Variants in MYT1L observed in about 807,000 individuals in gnomAD.
MYT1L encodes the protein myelin transcription factor 1 like.
Under a neutral mutation model 126.7 loss-of-function variants are expected in MYT1L, and 12 were observed. That is an observed-to-expected ratio of 0.09 (90% CI 0.06 to 0.15). The LOEUF (loss-of-function observed/expected upper bound fraction) is 0.15. Ranked by LOEUF, MYT1L falls within the 10% of genes least tolerant of loss-of-function variation. The pLI is 1.00. For synonymous variants in MYT1L, 541 were observed against 604.2 expected (o/e 0.90, Z 1.53); for missense variants, 979 against 1,585.2 (o/e 0.62, Z 6.49).
At position 1,944,094 on chromosome 2, in the gene MYT1L, C is replaced by T. The variant is rs115645216; in HGVS notation, c.153-760G>A. On this transcript the variant is annotated intron_variant, in intron 8 of 24. Coordinates refer to ENST00000647738, the MANE Select transcript of MYT1L (RefSeq NM_001303052.2). ...CTCACAATCTTTCCTTGAGAAACAACGATTTTCTTTTTTTTATTATTATTA... is the reference window on the plus strand; with the variant it reads ...CTCACAATCTTTCCTTGAGAAACAATGATTTTCTTTTTTTTATTATTATTA... Among the ~76,000 whole-genome samples the T allele has an allele frequency of 4.9e-3, 739 of 151,946 alleles. 7 individuals carry two copies. The highest frequency in any genetic ancestry group is 0.017 in the African/African-American group (690 of 41,504).
At chr2:2,231,768 A>T (rs1210851030) in intron 2 of MYT1L, among the ~76,000 whole-genome samples, 1 of 152,154 alleles carries the variant, frequency 6.6e-6, no homozygotes, top group Non-Finnish European at 1.5e-5. Flanking sequence ...TTTTTTATAT[A>T]TATAAAAAAA....
rs550141360 is a variant in MYT1L at position 1,882,091 on chromosome 2, C to T, written c.2711+4448G>A. ...GTCTAAGCACCCCTTCCCCGCTTTC[C>T]TCACGAAGGTGACAGTCTGTGCAGA... On this transcript the variant is annotated intron_variant, in intron 18 of 24. Transcript: ENST00000647738. Among the ~76,000 whole-genome samples the T allele has an allele frequency of 1.4e-4, 22 of 152,334 alleles. No homozygotes were observed. The South Asian group carries it at 4.1e-3, about 29-fold the overall frequency.
intron 2 of MYT1L, among the ~76,000 whole-genome samples, chr2:2,262,083 G>A (rs1272923960): frequency 6.6e-6 from 1 of 152,180 alleles, no homozygotes; most frequent in Non-Finnish European, 1.5e-5. Flanking sequence ...GGAGTCTGGA[G>A]TTTTTGTGTA....
chr2:2,181,665 T>C (rs1322493844), intron 2 of MYT1L, among the ~76,000 whole-genome samples: 1 of 152,182 alleles, frequency 6.6e-6, no homozygotes, highest in Non-Finnish European at 1.5e-5. Context: ...TCTTCCCGGA[T>C]GCAGTGCCAA....
chr2:1,943,056 T>G lies in MYT1L; in HGVS notation c.431A>C (p.Glu144Ala). Residue 144 changes from glutamate (E) to alanine (A), a missense_variant, in exon 9 of 25, where the codon GAG becomes GCG. Transcript: ENST00000647738. The surrounding 1 kb of genome is among the most constrained non-coding windows in gnomAD (Gnocchi z 4.4). The part of the protein sequence containing the change: ...EIEEEDEDDD[E>A]DGEDVEDEEE... ...TTCATCCTCCACATCTTCTCCATCC[T>G]CGTCATCGTCCTCATCCTCCTCCTC... The G allele has an allele frequency of 2.7e-6, 4 of 1,481,314 alleles. No homozygotes were observed. The highest frequency in any genetic ancestry group is 3.7e-6 in the Non-Finnish European group (4 of 1,083,006). 91.8% of individuals were successfully genotyped at this position (1,481,314 alleles called of 1,614,324 possible).
chr2:1,791,473 TGC>T lies in MYT1L; in HGVS notation c.*392_*393del. On this transcript the variant is annotated 3_prime_UTR_variant, in exon 25 of 25. Transcript: ENST00000647738. The surrounding 1 kb of genome is among the most constrained non-coding windows in gnomAD (Gnocchi z 6.0). ...TCATTCAAAGCTGTGGGTCTGTGTGTGCGTGTGTGTGTTTGTGTGTCCATTTC... is the reference window on the plus strand; with the variant it reads ...TCATTCAAAGCTGTGGGTCTGTGTGTGTGTGTGTGTTTGTGTGTCCATTTC... 2 of 346,900 alleles carry T rather than the reference TGC, an allele frequency of 5.8e-6. No individual in the cohort carries two copies. The highest frequency in any genetic ancestry group is 7.5e-5 in the East Asian group (1 of 13,310). The allele number at this position is 346,900 out of a possible 1,614,324, so 21.5% of individuals were successfully genotyped here.
chr2:2,187,106 G>A (rs1669671672), intron 2 of MYT1L, among the ~76,000 whole-genome samples: 1 of 152,154 alleles, frequency 6.6e-6, no homozygotes, highest in Non-Finnish European at 1.5e-5. Flanking sequence ...CAGGTTGCAG[G>A]CACAGTGAGT....
At chr2:2,040,815 C>A (rs762545539) in intron 4 of MYT1L, among the ~76,000 whole-genome samples, 25 of 152,054 alleles carry the variant, frequency 1.6e-4, no homozygotes, top group Non-Finnish European at 3.7e-4. Context: ...TTTAAAATTT[C>A]ATTTATTATT....
At chr2:1,792,506 C>T (rs753571569) in intron 23 of MYT1L, 42 bp from the exon 24 acceptor site, 12 of 1,586,090 alleles carry the variant, frequency 7.6e-6, no homozygotes, top group Non-Finnish European at 1.7e-6. Context: ...ACCAGGAGGA[C>T]CTAGGAGCGC....
intron 4 of MYT1L, among the ~76,000 whole-genome samples, chr2:2,044,219 A>G (rs912567490): frequency 1.3e-5 from 2 of 152,228 alleles, no homozygotes; most frequent in Non-Finnish European, 2.9e-5. Context: ...GCAAGACAGT[A>G]CCTACTGTTC....
chr2:1,963,014 T>C (rs1338818948), intron 8 of MYT1L, among the ~76,000 whole-genome samples: 2 of 152,252 alleles, frequency 1.3e-5, no homozygotes, highest in African/African-American at 2.4e-5. Context: ...ATTTACTATG[T>C]CCAGGTCCAT....
At chr2:1,813,323 G>A (rs2037003460) in intron 21 of MYT1L, among the ~76,000 whole-genome samples, 1 of 152,056 alleles carries the variant, frequency 6.6e-6, no homozygotes, top group African/African-American at 2.4e-5. Flanking sequence ...CCCTCAGCGA[G>A]GCCCCTGGGC....
At chr2:2,051,897 A>G (rs2068870965) in intron 4 of MYT1L, among the ~76,000 whole-genome samples, 1 of 152,158 alleles carries the variant, frequency 6.6e-6, no homozygotes, top group Non-Finnish European at 1.5e-5. Flanking sequence ...CTACAAATTC[A>G]GTGCAATCCC....
At chr2:1,805,669 T>A (rs1306491184) in intron 22 of MYT1L, among the ~76,000 whole-genome samples, 1 of 152,200 alleles carries the variant, frequency 6.6e-6, no homozygotes, top group Non-Finnish European at 1.5e-5. Flanking sequence ...GTGGATTGCT[T>A]GAGCTCAGGA....
At chr2:2,218,586 G>C (rs1212761315) in intron 2 of MYT1L, among the ~76,000 whole-genome samples, 2 of 152,096 alleles carry the variant, frequency 1.3e-5, no homozygotes, top group African/African-American at 4.8e-5. Flanking sequence ...GGAGGGAGAG[G>C]CTACAAAGGA....
chr2:2,327,057 C>T (rs1220135477), intron 1 of MYT1L: 1 of 152,044 alleles, frequency 6.6e-6, no homozygotes, highest in African/African-American at 2.4e-5. Context: ...TAGCTGTTGC[C>T]TTTAAATAAT....
At chr2:2,286,407 T>C (rs1383178245) in intron 1 of MYT1L, among the ~76,000 whole-genome samples, 1 of 152,212 alleles carries the variant, frequency 6.6e-6, no homozygotes, top group African/African-American at 2.4e-5. Flanking sequence ...ATTACTAAAA[T>C]GTGGAGGGCA....
chr2:2,241,849 C>A (rs1166033008), intron 2 of MYT1L, among the ~76,000 whole-genome samples: 1 of 152,140 alleles, frequency 6.6e-6, no homozygotes, highest in Non-Finnish European at 1.5e-5. Flanking sequence ...AGAACAGATA[C>A]CGTACAATGC....
intron 1 of MYT1L, among the ~76,000 whole-genome samples, chr2:2,306,339 A>G (rs1019773675): frequency 6.6e-6 from 1 of 152,184 alleles, no homozygotes; most frequent in Non-Finnish European, 1.5e-5. Context: ...AGTGGTATCA[A>G]ATGGTCCAAA....
Sources: allele counts gnomAD v4.1 joint callset (sites outside exome capture counted in the v4.1 genomes callset), GRCh38; gene constraint gnomAD v4.1.1; non-coding constraint Gnocchi (gnomAD v3.1); transcripts MANE v1.5; gene names NCBI Gene and HGNC (gene_info 2026-07-23, HGNC 2026-07-21).